KIF1C: variants seen among roughly 807,000 people sequenced by gnomAD.
KIF1C encodes the protein kinesin family member 1C.
Under a neutral mutation model 126.5 loss-of-function variants are expected in KIF1C, and 61 were observed. The ratio of observed to expected loss-of-function variants is 0.48; its 90% CI spans 0.39 to 0.60. The LOEUF is 0.60. KIF1C is among the 20% of genes least tolerant of loss of function. The probability of loss-of-function intolerance (pLI) is 0.00; values close to 1 mark genes in which losing one functional copy is unlikely to be tolerated. For synonymous variants in KIF1C, 640 were observed against 580.6 expected, an observed-to-expected ratio of 1.10 and a Z score of -1.47; for missense variants, 1,315 against 1,489.2, an observed-to-expected ratio of 0.88 and a Z score of 1.93.
At position 5,027,091 on chromosome 17, in the gene KIF1C, T is replaced by C. The variant is rs1975220671; in HGVS notation, c.*2940T>C. 6.6e-6 allele frequency: 1 copy of C among 152,254 alleles called. No homozygotes were observed. Among genetic ancestry groups the C allele is most frequent in the South Asian group, 2.1e-4 (1 of 4,834 alleles). 9.4% of individuals were successfully genotyped at this position (152,254 alleles called of 1,614,324 possible). ...CGGTAAAATAGGTCTTTTGTCTGCA[T>C]TTTTCAGATGGGAAGACTGAGGTTT... On this transcript the variant is annotated 3_prime_UTR_variant, in exon 23 of 23. Coordinates refer to ENST00000320785, the MANE Select transcript of KIF1C (RefSeq NM_006612.6).
Position 5,002,511 on chromosome 17 carries a change from C to T in KIF1C, c.477C>T (p.Asn159=), listed in dbSNP as rs200358666. Residue 159 remains asparagine (N), a synonymous_variant, in exon 7 of 23, where the codon AAC becomes AAT. Coordinates refer to ENST00000320785, the MANE Select transcript of KIF1C (RefSeq NM_006612.6). The part of the protein sequence containing the change: ...IYCERVRDLL[N]PKSRGSLRVR... ...GTGAGCGGGTACGAGACCTCTTGAA[C>T]CCCAAGAGTCGGGGTTCTCTGCGGG... 6.2e-7 allele frequency: 1 copy of T among 1,613,200 alleles called. No individual in the cohort carries two copies. Among genetic ancestry groups the T allele is most frequent in the Non-Finnish European group, 8.5e-7 (1 of 1,179,244 alleles).
At chr17:5,008,022 A>G (rs3786044) in intron 16 of KIF1C, among the ~76,000 whole-genome samples, 9,903 of 152,082 alleles carry the variant, frequency 0.065, 415 homozygotes, top group Middle Eastern at 0.14. Flanking sequence ...TTTCCTGGAG[A>G]AGGTGGTTTG....
At position 5,020,608 on chromosome 17, in the gene KIF1C, G is replaced by A. The variant is rs2143380778; in HGVS notation, c.1867G>A (p.Asp623Asn). ...PPPGPPSEPVDWNFAQKELLE... is the reference protein window; with the variant it reads ...PPPGPPSEPVNWNFAQKELLE... The stretch of plus-strand genomic sequence containing the variant: ...CCCAGGACCGCCCTCTGAGCCAGTC[G>A]ACTGGAACTTTGCCCAGAAGGAACT... Residue 623 changes from aspartate (D) to asparagine (N), a missense_variant, in exon 20 of 23, where the codon GAC (aspartate) becomes AAC (asparagine). Physicochemically the swap from Asp to Asn is conservative, Grantham distance 23. Coordinates refer to ENST00000320785, the MANE Select transcript of KIF1C (RefSeq NM_006612.6). This position sits in a 1 kb window ranked among gnomAD's most constrained non-coding sequence, Gnocchi z 5.8. 2.5e-6 allele frequency: 4 copies of A among 1,614,212 alleles called. No homozygotes were observed. The highest frequency in any genetic ancestry group is 3.4e-6 in the Non-Finnish European group (4 of 1,180,028).
rs1408072376 is a variant in KIF1C, at chr17:5,003,646, G to A, written c.755G>A (p.Ser252Asn). The change falls in exon 9 of 23, where the codon AGT (serine) becomes AAT (asparagine). Residue 252 changes from serine to asparagine, a missense_variant. This residue lies in a region of KIF1C where 874 missense variants were observed against 1,053.2 expected (regional missense o/e 0.83). Transcript: ENST00000320785. ...SKISLVDLAG[S>N]ERADSSGARG... ...ATCAGTTTGGTGGACCTTGCTGGGAGTGAGCGAGCCGACTCCTCAGGGGCC... is the reference window on the plus strand; with the variant it reads ...ATCAGTTTGGTGGACCTTGCTGGGAATGAGCGAGCCGACTCCTCAGGGGCC... The A allele has an allele frequency of 6.2e-7, 1 of 1,613,766 alleles. No individual in the cohort carries two copies. The highest frequency in any genetic ancestry group is 1.7e-5 in the Admixed American group (1 of 59,954).
rs746976825 is a variant in KIF1C, at chr17:5,024,196, AGAAGG to A, written c.*50_*54del. Reference sequence around the variant, plus strand: ...GGGCCTGGTGGGGCCCCTTGCTAGGAGAAGGGAAGACGCCCGAGACGCTGCTTCCC... The same window carrying A: ...GGGCCTGGTGGGGCCCCTTGCTAGGAGAAGACGCCCGAGACGCTGCTTCCC... On this transcript the variant is annotated 3_prime_UTR_variant, in exon 23 of 23. Coordinates refer to ENST00000320785, the MANE Select transcript of KIF1C (RefSeq NM_006612.6). 10 of 1,386,720 alleles carry A rather than the reference AGAAGG, an allele frequency of 7.2e-6. No homozygotes were observed. The highest frequency in any genetic ancestry group is 8.9e-6 in the Non-Finnish European group (9 of 1,010,148). The allele number at this position is 1,386,720 out of a possible 1,614,324, so 85.9% of individuals were successfully genotyped here.
intron 18 of KIF1C, among the ~76,000 whole-genome samples, chr17:5,018,764 G>T (rs1317876696): frequency 1.3e-5 from 2 of 151,924 alleles, no homozygotes; most frequent in African/African-American, 4.8e-5. Context: ...AGATTATCTT[G>T]TTTATTGTCT....
chr17:5,022,038 C>T lies in KIF1C; in HGVS notation c.2011-54C>T. On this transcript the variant is annotated intron_variant, in intron 21 of 22. Transcript: ENST00000320785. This position sits in a 1 kb window ranked among gnomAD's most constrained non-coding sequence, Gnocchi z 4.9. ...ACTTAGGACACACTGGGCCAAGACACATGGGCTCTGGATGTCCTTAGCCCT... is the reference window on the plus strand; with the variant it reads ...ACTTAGGACACACTGGGCCAAGACATATGGGCTCTGGATGTCCTTAGCCCT... 2.0e-6 allele frequency: 3 copies of T among 1,532,500 alleles called. No individual in the cohort carries two copies. Among genetic ancestry groups the T allele is most frequent in the South Asian group, 1.2e-5 (1 of 80,072 alleles). The allele number at this position is 1,532,500 out of a possible 1,614,324, so 94.9% of individuals were successfully genotyped here.
Position 5,023,750 on chromosome 17 carries a change from C to T in KIF1C, c.2911C>T (p.Pro971Ser), listed in dbSNP as rs202059928. ...GCGCAGGCCCCCAGCCCGCTTTGTG[C>T]CCCCTCACGACTGCAAGCTACGCTT... ...GLRRPPARFV[P>S]PHDCKLRFPF... Residue 971 changes from proline (P) to serine (S), a missense_variant, in exon 23 of 23, where the codon CCC (proline) becomes TCC (serine). Physicochemically the swap from Pro to Ser is moderately conservative, Grantham distance 74. Coordinates refer to ENST00000320785, the MANE Select transcript of KIF1C (RefSeq NM_006612.6). This position sits in a 1 kb window ranked among gnomAD's most constrained non-coding sequence, Gnocchi z 4.2. 11 of 1,522,902 alleles carry T rather than the reference C, an allele frequency of 7.2e-6. No individual in the cohort carries two copies. The highest frequency in any genetic ancestry group is 9.7e-6 in the Non-Finnish European group (11 of 1,138,168). The allele number at this position is 1,522,902 out of a possible 1,614,324, so 94.3% of individuals were successfully genotyped here.
At position 5,028,043 on chromosome 17, in the gene KIF1C, G is replaced by C. The variant is rs976314862; in HGVS notation, c.*3892G>C. The C allele has an allele frequency of 1.3e-5, 2 of 152,086 alleles. No individual in the cohort carries two copies. Among genetic ancestry groups the C allele is most frequent in the Non-Finnish European group, 2.9e-5 (2 of 68,000 alleles). 9.4% of individuals were successfully genotyped at this position (152,086 alleles called of 1,614,324 possible). ...CTTCTCCTCAAATTCAATCTTCCCA[G>C]GCATTTCATGAACTTGCGTCTAGTT... On this transcript the variant is annotated 3_prime_UTR_variant, in exon 23 of 23. Coordinates refer to ENST00000320785, the MANE Select transcript of KIF1C (RefSeq NM_006612.6).
chr17:5,012,897 G>T (rs749306136), intron 16 of KIF1C, among the ~76,000 whole-genome samples: 1 of 151,860 alleles, frequency 6.6e-6, no homozygotes, highest in African/African-American at 2.4e-5. Context: ...GGAATGGGCC[G>T]GGTTTTCAGC....
rs1376060246 is a variant in KIF1C, at chr17:5,023,589, CACT to C, written c.2751_2753del (p.Leu918del). 1.2e-6 allele frequency: 2 copies of C among 1,613,608 alleles called. No homozygotes were observed. The highest frequency in any genetic ancestry group is 8.5e-7 in the Non-Finnish European group (1 of 1,179,922). On this transcript the variant is annotated inframe_deletion, in exon 23 of 23. Coordinates refer to ENST00000320785, the MANE Select transcript of KIF1C (RefSeq NM_006612.6). This position sits in a 1 kb window ranked among gnomAD's most constrained non-coding sequence, Gnocchi z 4.2. ...CCGTCAGCCCGGCCCCCCTCGCCAC[CACT>C]GTCAAGCTGGGAGCGGGTGTCACGG... is the stretch of plus-strand genomic sequence containing the variant.
chr17:5,016,514 G>A (rs1480004940), intron 18 of KIF1C, among the ~76,000 whole-genome samples: 1 of 151,132 alleles, frequency 6.6e-6, no homozygotes, highest in Non-Finnish European at 1.5e-5. Flanking sequence ...GCCTCCCAAA[G>A]TGCCAGGATT....
chr17:5,000,410 C>A, intron 3 of KIF1C, 58 bp downstream of exon 3: 3 of 1,183,128 alleles, frequency 2.5e-6, no homozygotes, highest in Non-Finnish European at 2.5e-6. Context: ...GCCCACCACA[C>A]AGGCCAGTCC....
intron 16 of KIF1C, among the ~76,000 whole-genome samples, chr17:5,007,765 G>A (rs1197833608): frequency 1.3e-5 from 2 of 152,212 alleles, no homozygotes; most frequent in African/African-American, 4.8e-5. Flanking sequence ...AGGAGAGGGA[G>A]AGGACCTGGG....
In KIF1C at chr17:5,023,385, C is replaced by T. The variant is rs776320008; in HGVS notation, c.2629-83C>T. 2.3e-5 allele frequency: 27 copies of T among 1,198,320 alleles called. No individual in the cohort carries two copies. The highest frequency in any genetic ancestry group is 6.0e-5 in the African/African-American group (4 of 66,152). 74.2% of individuals were successfully genotyped at this position (1,198,320 alleles called of 1,614,324 possible). A position where few individuals can be genotyped will look rare whatever the true frequency, so the allele number is the denominator to read the frequency against. ...CTCTGGACCCTTTGACATCCAGCCA[C>T]TCCAGGTCCCTCTTGAATCCACATG... On this transcript the variant is annotated intron_variant, in intron 22 of 22. Transcript: ENST00000320785. The surrounding 1 kb of genome is among the most constrained non-coding windows in gnomAD (Gnocchi z 4.2).
At position 5,004,892 on chromosome 17, in the gene KIF1C, A is replaced by C. The variant is rs749352816; in HGVS notation, c.1057A>C (p.Ile353Leu). 6.2e-7 allele frequency: 1 copy of C among 1,614,242 alleles called. No homozygotes were observed. The highest frequency in any genetic ancestry group is 8.5e-7 in the Non-Finnish European group (1 of 1,180,050). The change falls in exon 13 of 23, where the codon ATC becomes CTC. Residue 353 changes from isoleucine (I) to leucine (L), a missense_variant. Coordinates refer to ENST00000320785, the MANE Select transcript of KIF1C (RefSeq NM_006612.6). ...DRTKQIRCNA[I>L]INEDPNARLI... Reference sequence around the variant, plus strand: ...CACCAAGCAAATCCGCTGCAATGCCATCATCAACGAGGACCCTAATGCCCG... The same window carrying C: ...CACCAAGCAAATCCGCTGCAATGCCCTCATCAACGAGGACCCTAATGCCCG...
At chr17:5,005,474 G>C (rs945103369) in intron 13 of KIF1C, among the ~76,000 whole-genome samples, 1 of 152,100 alleles carries the variant, frequency 6.6e-6, no homozygotes. Flanking sequence ...CCATGTTGAC[G>C]GTCAGGAATG....
At chr17:5,013,621 C>A in intron 16 of KIF1C, 32 bp from the exon 17 acceptor site, 1 of 1,552,258 alleles carries the variant, frequency 6.4e-7, no homozygotes. Context: ...CCCTGGCTGG[C>A]TCCCCCTGAC....
intron 6 of KIF1C, 32 bp from the exon 7 acceptor site, chr17:5,002,432 T>G: frequency 6.4e-7 from 1 of 1,555,930 alleles, no homozygotes; most frequent in Non-Finnish European, 8.7e-7. Flanking sequence ...TTTTGCTAGT[T>G]TTGTTACTTC....
Sources: gnomAD v4.1 joint callset for allele counts (sites outside exome capture counted in the v4.1 genomes callset) on GRCh38, gnomAD v4.1.1 for gene constraint, gnomAD v4.1.1 regional missense constraint, Gnocchi (gnomAD v3.1) non-coding constraint, MANE v1.5 for transcripts, NCBI Gene and HGNC (gene_info 2026-07-23, HGNC 2026-07-21) for gene names.